Variants in SETBP1 observed in about 807,000 individuals in gnomAD.
The protein encoded by SETBP1 is SET-binding protein.
In SETBP1, 9 loss-of-function variants were observed where a neutral mutation model predicts 101.0. The ratio of observed to expected loss-of-function variants is 0.09; its 90% CI spans 0.05 to 0.16. The LOEUF (loss-of-function observed/expected upper bound fraction) is 0.16, where lower values mean the gene tolerates loss of function less well. Among genes scored for constraint, SETBP1 ranks in the 10% least tolerant of loss-of-function variants. SETBP1 has a pLI of 1.00. For missense variants in SETBP1, 1,858 were observed against 2,033.8 expected (o/e 0.91, Z 1.66); for synonymous variants, 818 against 788.5 (o/e 1.04, Z -0.63).
intron 2 of SETBP1, among the ~76,000 whole-genome samples, chr18:44,829,457 A>G (rs1431165481): frequency 6.6e-6 from 1 of 152,154 alleles, no homozygotes; most frequent in Non-Finnish European, 1.5e-5. Context: ...TTTTTGAAAA[A>G]ATAAACTGCT....
At chr18:44,986,990 A>G (rs2072255143) in intron 4 of SETBP1, 1 of 152,146 alleles carries the variant, frequency 6.6e-6, no homozygotes, top group Non-Finnish European at 1.5e-5. Flanking sequence ...GTCGTTTATT[A>G]TCATTATTAA....
intron 4 of SETBP1, among the ~76,000 whole-genome samples, chr18:45,009,177 C>T (rs1327696145): frequency 6.6e-6 from 1 of 152,080 alleles, no homozygotes; most frequent in Non-Finnish European, 1.5e-5. Flanking sequence ...AGCACTGGGC[C>T]CTGCAGCCAA....
At chr18:44,885,923 C>T (rs1201096592) in intron 3 of SETBP1, among the ~76,000 whole-genome samples, 4 of 148,794 alleles carry the variant, frequency 2.7e-5, no homozygotes, top group East Asian at 2.0e-4. Flanking sequence ...TTGTGTCCTC[C>T]GTGTTTGAGT....
intron 4 of SETBP1, among the ~76,000 whole-genome samples, chr18:45,038,088 A>G (rs776443722): frequency 2.0e-5 from 3 of 152,070 alleles, no homozygotes; most frequent in Non-Finnish European, 2.9e-5. Flanking sequence ...CCCCAGCTGG[A>G]TGAGATGAGA....
intron 2 of SETBP1, among the ~76,000 whole-genome samples, chr18:44,817,701 A>T (rs1402355685): frequency 6.6e-6 from 1 of 151,984 alleles, no homozygotes; most frequent in Non-Finnish European, 1.5e-5. Flanking sequence ...AAAAAAAGAA[A>T]AAAAAAAAGG....
At chr18:44,986,143 A>G (rs920909560) in intron 4 of SETBP1, 1 of 152,236 alleles carries the variant, frequency 6.6e-6, no homozygotes, top group Non-Finnish European at 1.5e-5. Context: ...CACCTAAGCT[A>G]TATGGTGTAG....
intron 2 of SETBP1, among the ~76,000 whole-genome samples, chr18:44,852,089 G>A (rs982806753): frequency 1.3e-5 from 2 of 152,216 alleles, no homozygotes; most frequent in Non-Finnish European, 2.9e-5. Context: ...ATTACAAATG[G>A]ATTAAATGGG....
intron 4 of SETBP1, among the ~76,000 whole-genome samples, chr18:45,034,510 A>G (rs956608763): frequency 6.6e-6 from 1 of 152,176 alleles, no homozygotes; most frequent in African/African-American, 2.4e-5. Context: ...TACACAGGCT[A>G]CAGCACAGTT....
chr18:45,043,652 C>G (rs981119786), intron 5 of SETBP1, among the ~76,000 whole-genome samples: 1 of 152,184 alleles, frequency 6.6e-6, no homozygotes, highest in African/African-American at 2.4e-5. Flanking sequence ...ATTTAAATTT[C>G]ATAAGTCTGT....
rs1268825807 is a variant in SETBP1 at position 44,709,444 on chromosome 18, A to G, written c.486+7612A>G. On this transcript the variant is annotated intron_variant, in intron 2 of 5. Transcript: ENST00000649279. The stretch of plus-strand genomic sequence containing the variant: ...GAACATGGTCTCTCTGCCTCTGGAC[A>G]GAGACAGCCTGCATAATCTTAGGCA... Among the ~76,000 whole-genome samples the G allele has an allele frequency of 2.6e-5, 4 of 152,232 alleles. No individual in the cohort carries two copies. In the East Asian group the frequency reaches 5.8e-4, roughly 22 times the overall value.
chr18:44,779,039 G>A (rs12455036), intron 2 of SETBP1, among the ~76,000 whole-genome samples: 100,856 of 152,124 alleles, frequency 0.66, 34,108 homozygotes, highest in Non-Finnish European at 0.73. Flanking sequence ...GGCCACCGCC[G>A]TGTGTTGATT....
At chr18:44,827,249 A>G (rs2072258157) in intron 2 of SETBP1, among the ~76,000 whole-genome samples, 1 of 152,238 alleles carries the variant, frequency 6.6e-6, no homozygotes, top group South Asian at 2.1e-4. Flanking sequence ...CCGAAAGAAA[A>G]ATAAGCAAAA....
rs543485885 is a variant in SETBP1, at chr18:44,910,130, C to T, written c.541-39751C>T. On this transcript the variant is annotated intron_variant, in intron 3 of 5. Coordinates refer to ENST00000649279, the MANE Select transcript of SETBP1 (RefSeq NM_015559.3). ...GGGTTACTGGCATCATTGACAATGC[C>T]GAGACATGCCTCTTCCTCTCTGAGA... 3.3e-5 allele frequency among the ~76,000 whole-genome samples: 5 copies of T among 152,258 alleles called. No individual in the cohort carries two copies. The East Asian group carries it at 9.7e-4, about 29-fold the overall frequency.
At chr18:45,001,561 A>T (rs549764351) in intron 4 of SETBP1, among the ~76,000 whole-genome samples, 1 of 152,058 alleles carries the variant, frequency 6.6e-6, no homozygotes, top group South Asian at 2.1e-4. Flanking sequence ...TAAACTTCCA[A>T]TATTAGGGAT....
chr18:44,864,174 G>T (rs78355419), intron 2 of SETBP1, among the ~76,000 whole-genome samples: 23 of 152,262 alleles, frequency 1.5e-4, no homozygotes, highest in Admixed American at 1.0e-3. Flanking sequence ...ATAGAAGTTT[G>T]CAGGGAGAAG....
intron 2 of SETBP1, among the ~76,000 whole-genome samples, chr18:44,825,621 C>A (rs1311766203): frequency 1.3e-5 from 2 of 152,186 alleles, no homozygotes; most frequent in African/African-American, 4.8e-5. Context: ...GGTTTATCAA[C>A]ATTGGGACAA....
At position 44,934,830 on chromosome 18, in the gene SETBP1, T is replaced by C. The variant is rs569163064; in HGVS notation, c.541-15051T>C. 3.3e-5 allele frequency among the ~76,000 whole-genome samples: 5 copies of C among 152,296 alleles called. No individual in the cohort carries two copies. In the East Asian group the frequency reaches 7.7e-4, roughly 23 times the overall value. On this transcript the variant is annotated intron_variant, in intron 3 of 5. Coordinates refer to ENST00000649279, the MANE Select transcript of SETBP1 (RefSeq NM_015559.3). ...CTCAAGAGTCTGTGCTCCTAACTGC[T>C]GTACACTCCTGCCCCATTTCCTCTC... is the stretch of plus-strand genomic sequence containing the variant.
At position 44,952,313 on chromosome 18, in the gene SETBP1, T is replaced by A; in HGVS notation, c.2973T>A (p.Asp991Glu). The A allele has an allele frequency of 6.2e-7, 1 of 1,614,138 alleles. No individual in the cohort carries two copies. ...CCAGCATTTTTCGGATTAATTTTGA[T>A]CACTATTACCCGGTGCCATATATCC... Reference protein sequence around the residue: ...PYPSIFRINFDHYYPVPYIQY... With the variant: ...PYPSIFRINFEHYYPVPYIQY... The change falls in exon 4 of 6, where the codon GAT (aspartate) becomes GAA (glutamate). Residue 991 changes from aspartate to glutamate, a missense_variant. By Grantham distance (45) the Asp-to-Glu change is conservative (BLOSUM62 2). Coordinates refer to ENST00000649279, the MANE Select transcript of SETBP1 (RefSeq NM_015559.3).
At chr18:44,855,839 T>A (rs532257840) in intron 2 of SETBP1, among the ~76,000 whole-genome samples, 1 of 152,310 alleles carries the variant, frequency 6.6e-6, no homozygotes, top group South Asian at 2.1e-4. Flanking sequence ...GTGATGGCAT[T>A]GCGATCCGTG....
Sources: allele counts gnomAD v4.1 joint callset (sites outside exome capture counted in the v4.1 genomes callset), GRCh38; gene constraint gnomAD v4.1.1; transcripts MANE v1.5; gene names NCBI Gene and HGNC (gene_info 2026-07-23, HGNC 2026-07-21).